Variants in MED13L observed in about 807,000 individuals in gnomAD.
MED13L encodes mediator of RNA polymerase II transcription subunit 13-like.
MED13L carries 7 observed loss-of-function variants against 220.9 expected under a neutral mutation model. The observed-to-expected ratio is 0.03, with a 90% CI of 0.02 to 0.06. The LOEUF (loss-of-function observed/expected upper bound fraction) is 0.06. MED13L is among the 10% of genes least tolerant of loss of function. MED13L has a pLI of 1.00. For synonymous variants in MED13L, 1,011 were observed against 1,015.2 expected (o/e 1.00, Z 0.08); for missense variants, 1,965 against 2,760.5 (o/e 0.71, Z 6.46).
intron 4 of MED13L, among the ~76,000 whole-genome samples, chr12:116,073,060 G>A (rs1328816377): frequency 6.6e-6 from 1 of 152,242 alleles, no homozygotes; most frequent in East Asian, 1.9e-4. Flanking sequence ...TATTCTGAAA[G>A]AATATATTAG....
At chr12:116,183,455 A>C (rs923517756) in intron 2 of MED13L, among the ~76,000 whole-genome samples, 1 of 152,244 alleles carries the variant, frequency 6.6e-6, no homozygotes, top group Non-Finnish European at 1.5e-5. Flanking sequence ...ATATCAAAGT[A>C]AAATGACTAG....
rs757856398 is a variant in MED13L at position 116,007,394 on chromosome 12, T to C, written c.2238+17A>G. 1.9e-6 allele frequency: 3 copies of C among 1,598,078 alleles called. No homozygotes were observed. The highest frequency in any genetic ancestry group is 1.7e-6 in the Non-Finnish European group (2 of 1,165,604). On this transcript the variant is annotated intron_variant, in intron 11 of 30. Transcript: ENST00000281928. The stretch of plus-strand genomic sequence containing the variant: ...GAAACCCACACCATGCTGGACTCTC[T>C]CTCTGTTAAATGGTACCTTATTCTT...
chr12:115,990,719 G>GTAAGC (rs903681291), intron 17 of MED13L, among the ~76,000 whole-genome samples: 1 of 152,162 alleles, frequency 6.6e-6, no homozygotes, highest in African/African-American at 2.4e-5. Flanking sequence ...TTATCAGTCT[G>GTAAGC]TAAGCTCCTG....
intron 1 of MED13L, among the ~76,000 whole-genome samples, chr12:116,261,253 T>C (rs1358382911): frequency 2.0e-5 from 3 of 152,150 alleles, no homozygotes; most frequent in African/African-American, 7.2e-5. Context: ...CCCAGCACTT[T>C]GGGAGGCCAA....
At chr12:116,059,195 G>A (rs1566035836) in intron 4 of MED13L, among the ~76,000 whole-genome samples, 1 of 152,134 alleles carries the variant, frequency 6.6e-6, no homozygotes, top group Non-Finnish European at 1.5e-5. Flanking sequence ...AGCCTCCCAA[G>A]TGGTTGGGAC....
chr12:116,006,455 C>T (rs943164676), intron 11 of MED13L, 44 bp from the exon 12 acceptor site: 1 of 1,461,620 alleles, frequency 6.8e-7, no homozygotes, highest in South Asian at 1.1e-5. Context: ...AACACCAACC[C>T]AAAGTGTGAA....
chr12:116,083,515 C>A (rs1319536047), intron 4 of MED13L, among the ~76,000 whole-genome samples: 1 of 151,266 alleles, frequency 6.6e-6, no homozygotes, highest in Non-Finnish European at 1.5e-5. Flanking sequence ...GGTGAGTAGA[C>A]CAGTTTGATT....
intron 16 of MED13L, 142 bp from the exon 17 acceptor site, chr12:115,992,099 T>C (rs867392663): frequency 1.3e-6 from 1 of 782,802 alleles, no homozygotes; most frequent in African/African-American, 1.7e-5. Flanking sequence ...TATTTAATTT[T>C]CTCTTAAAAA....
intron 2 of MED13L, among the ~76,000 whole-genome samples, chr12:116,151,062 T>TA (rs201338009): frequency 0.01 from 1,560 of 152,024 alleles, 27 homozygotes; most frequent in African/African-American, 0.035. Context: ...ATCTTATTGT[T>TA]AAAAAATGGG....
chr12:116,250,394 C>A, intron 1 of MED13L, among the ~76,000 whole-genome samples: 1 of 114,920 alleles, frequency 8.7e-6, no homozygotes, highest in Admixed American at 8.9e-5. Context: ...AGGAACACGA[C>A]ACAAGATAGA....
chr12:116,080,093 T>C (rs1593019781), intron 4 of MED13L, among the ~76,000 whole-genome samples: 1 of 152,104 alleles, frequency 6.6e-6, no homozygotes, highest in African/African-American at 2.4e-5. Flanking sequence ...AGACAATTCT[T>C]CTTCTTCCAA....
At chr12:116,043,350 T>C (rs1242359934) in intron 4 of MED13L, among the ~76,000 whole-genome samples, 1 of 152,238 alleles carries the variant, frequency 6.6e-6, no homozygotes, top group African/African-American at 2.4e-5. Context: ...TACAGTTTAA[T>C]AGTCTGGTTC....
At chr12:116,231,798 G>C (rs993891301) in intron 2 of MED13L, among the ~76,000 whole-genome samples, 6 of 152,092 alleles carry the variant, frequency 3.9e-5, no homozygotes, top group African/African-American at 1.4e-4. Flanking sequence ...GCCTCAAATA[G>C]TTTAGGTGGA....
At chr12:115,984,100 T>C in intron 20 of MED13L, 80 bp downstream of exon 20, 1 of 1,408,434 alleles carries the variant, frequency 7.1e-7, no homozygotes, top group Non-Finnish European at 9.8e-7. Context: ...AATATAATGT[T>C]GCATCTATAA....
At chr12:116,088,629 A>T (rs952889996) in intron 4 of MED13L, among the ~76,000 whole-genome samples, 1 of 152,110 alleles carries the variant, frequency 6.6e-6, no homozygotes, top group Non-Finnish European at 1.5e-5. Flanking sequence ...AGGATAAAAG[A>T]AGTAAAGAAA....
intron 16 of MED13L, among the ~76,000 whole-genome samples, chr12:115,996,115 G>T (rs1479065152): frequency 6.6e-6 from 1 of 151,828 alleles, no homozygotes; most frequent in Non-Finnish European, 1.5e-5. Context: ...TTCTGAGACA[G>T]AGTCTCACTC....
At chr12:116,099,390 T>A (rs753241088) in intron 3 of MED13L, among the ~76,000 whole-genome samples, 2 of 152,198 alleles carry the variant, frequency 1.3e-5, no homozygotes, top group Non-Finnish European at 2.9e-5. Context: ...ATGCTGAGAA[T>A]AAAAGCAATA....
At chr12:116,275,944 C>G (rs1478563807) in intron 1 of MED13L, among the ~76,000 whole-genome samples, 1 of 152,144 alleles carries the variant, frequency 6.6e-6, no homozygotes, top group Non-Finnish European at 1.5e-5. Context: ...AACTCATGCA[C>G]AAAGCACATA....
chr12:116,161,415 C>T (rs1271561134), intron 2 of MED13L, among the ~76,000 whole-genome samples: 1 of 152,022 alleles, frequency 6.6e-6, no homozygotes, highest in Non-Finnish European at 1.5e-5. Context: ...CAGTACTAAC[C>T]CCCAAATTCT....
Sources: gnomAD v4.1 joint callset for allele counts (sites outside exome capture counted in the v4.1 genomes callset) on GRCh38, gnomAD v4.1.1 for gene constraint, MANE v1.5 for transcripts, NCBI Gene and HGNC (gene_info 2026-07-23, HGNC 2026-07-21) for gene names.